FANCB: variants seen among roughly 807,000 people sequenced by gnomAD.
FANCB encodes Fanconi anemia group B protein.
FANCB carries 5 observed loss-of-function variants against 38.9 expected under a neutral mutation model. The observed-to-expected ratio is 0.13, with a 90% CI of 0.07 to 0.27. FANCB has a LOEUF of 0.27. Among genes scored for constraint, FANCB ranks in the 10% least tolerant of loss-of-function variants. FANCB has a pLI of 1.00. For missense variants in FANCB, 573 were observed against 602.7 expected (o/e 0.95, Z 0.52); for synonymous variants, 236 against 215.4 (o/e 1.10, Z -0.84).
the FANCB span, among the ~76,000 whole-genome samples, chrX:14,772,795 A>G: frequency 9.0e-6 from 1 of 111,687 alleles, no homozygotes; most frequent in East Asian, 2.8e-4. Flanking sequence ...ACCAGACCCA[A>G]GGCCCTGGTG....
chrX:14,773,603 C>T, the FANCB span, among the ~76,000 whole-genome samples: 1 of 111,803 alleles, frequency 8.9e-6, no homozygotes, highest in East Asian at 2.8e-4. Context: ...CACATCTAAA[C>T]AAAGGCATGG....
the FANCB span, among the ~76,000 whole-genome samples, chrX:14,802,976 C>T: frequency 8.9e-6 from 1 of 112,049 alleles, no homozygotes; most frequent in Non-Finnish European, 1.9e-5. Flanking sequence ...TCAATAAATT[C>T]TTTCCTTTAA....
the FANCB span, among the ~76,000 whole-genome samples, chrX:14,765,982 T>C: frequency 9.0e-6 from 1 of 111,674 alleles, no homozygotes; most frequent in African/African-American, 3.3e-5. Context: ...AGGCGACACT[T>C]AGCAACTTAC....
the FANCB span, among the ~76,000 whole-genome samples, chrX:14,788,376 C>T: frequency 9.0e-6 from 1 of 111,494 alleles, no homozygotes; most frequent in African/African-American, 3.3e-5. Flanking sequence ...ACTGCCCAGC[C>T]TGGTCATGGT....
the FANCB span, among the ~76,000 whole-genome samples, chrX:14,782,193 A>G: frequency 8.9e-6 from 1 of 111,992 alleles, no homozygotes; most frequent in Non-Finnish European, 1.9e-5. Flanking sequence ...GAAAATGAGG[A>G]GAAATATCAC....
At chrX:14,783,712 AAAC>A in the FANCB span, among the ~76,000 whole-genome samples, 1 of 112,349 alleles carries the variant, frequency 8.9e-6, no homozygotes, top group Non-Finnish European at 1.9e-5. Context: ...ATTCACAATA[AAAC>A]AACACATATT....
the FANCB span, among the ~76,000 whole-genome samples, chrX:14,696,474 C>T: frequency 2.7e-5 from 3 of 111,669 alleles, no homozygotes; most frequent in Non-Finnish European, 5.6e-5. Flanking sequence ...CAAGGCAGTC[C>T]AGGAATTGGA....
At chrX:14,692,288 T>G in the FANCB span, among the ~76,000 whole-genome samples, 1 of 112,588 alleles carries the variant, frequency 8.9e-6, no homozygotes, top group East Asian at 2.8e-4. Flanking sequence ...TTCTCCTCAC[T>G]GCCTCCCTGT....
At chrX:14,817,944 C>T in the FANCB span, among the ~76,000 whole-genome samples, 5 of 111,829 alleles carry the variant, frequency 4.5e-5, no homozygotes, top group Admixed American at 2.9e-4. Context: ...ACTGCTTTTT[C>T]CACTGCTGCA....
At position 14,865,128 on chromosome X, in the gene FANCB, T is replaced by C; in HGVS notation, c.383A>G (p.Tyr128Cys). 8.3e-7 allele frequency: 1 copy of C among 1,205,515 alleles called. No homozygotes were observed. Among genetic ancestry groups the C allele is most frequent in the Non-Finnish European group, 1.1e-6 (1 of 892,915 alleles). The change falls in exon 3 of 10, where the codon TAT becomes TGT. Residue 128 changes from tyrosine to cysteine, a missense_variant. Transcript: ENST00000650831. ...FEMRLSFKLG[Y>C]EMKDGLRVLN... ...GACCCTTAGGCCATCCTTCATCTCA[T>C]AGCCTAGTTTAAAACTCAAACGCAT...
At chrX:14,774,809 T>C in the FANCB span, among the ~76,000 whole-genome samples, 1 of 109,378 alleles carries the variant, frequency 9.1e-6, no homozygotes, top group Non-Finnish European at 1.9e-5. Flanking sequence ...GGCTCCCTTC[T>C]ATTTCCACTC....
the FANCB span, among the ~76,000 whole-genome samples, chrX:14,762,634 T>A: frequency 8.9e-6 from 1 of 112,093 alleles, no homozygotes; most frequent in Non-Finnish European, 1.9e-5. Context: ...AGCCACCGAA[T>A]CTACCAACCT....
chrX:14,692,776 G>C, the FANCB span, among the ~76,000 whole-genome samples: 1 of 111,988 alleles, frequency 8.9e-6, no homozygotes, highest in Non-Finnish European at 1.9e-5. Flanking sequence ...ATAGTTGTTA[G>C]GGAATTTTTG....
Position 14,853,133 on chromosome X carries a change from T to A in FANCB, c.1232A>T (p.His411Leu). ...AATAATTTTTTCCTTAAGCAACAGATGCTGCCGTAATTCCCGAAAAGAAGA... is the reference window on the plus strand; with the variant it reads ...AATAATTTTTTCCTTAAGCAACAGAAGCTGCCGTAATTCCCGAAAAGAAGA... ...CFSSFRELRQ[H>L]LLLKEKIISK... is the part of the protein sequence containing the mutation. The change falls in exon 6 of 10, where the codon CAT becomes CTT. Residue 411 changes from histidine (H) to leucine (L), a missense_variant. Transcript: ENST00000650831. The A allele has an allele frequency of 8.3e-7, 1 of 1,205,760 alleles. No homozygotes were observed. The highest frequency in any genetic ancestry group is 1.1e-6 in the Non-Finnish European group (1 of 890,847).
the FANCB span, among the ~76,000 whole-genome samples, chrX:14,759,321 C>A: frequency 9.9e-5 from 11 of 111,593 alleles, no homozygotes; most frequent in Non-Finnish European, 1.9e-4. Context: ...AGGAAAACTT[C>A]CCTGGTCTTG....
At chrX:14,696,456 A>T in the FANCB span, among the ~76,000 whole-genome samples, 30 of 112,048 alleles carry the variant, frequency 2.7e-4, no homozygotes, top group African/African-American at 8.8e-4. Flanking sequence ...AGAAAAAATT[A>T]TTGACAGCAA....
the FANCB span, among the ~76,000 whole-genome samples, chrX:14,811,948 A>G: frequency 4.5e-5 from 5 of 111,991 alleles, no homozygotes; most frequent in Admixed American, 2.8e-4. Context: ...AAAGAACAGA[A>G]ATTATAACAA....
intron 5 of FANCB, 58 bp from the exon 6 acceptor site, chrX:14,853,225 T>C (rs770909644): frequency 2.0e-5 from 21 of 1,031,872 alleles, no homozygotes; most frequent in Non-Finnish European, 2.8e-5. Flanking sequence ...AAACCAGACA[T>C]ACCAATAATT....
chrX:14,850,378 G>A lies in FANCB; in HGVS notation c.1496+127C>T. On this transcript the variant is annotated intron_variant, in intron 7 of 9. Transcript: ENST00000650831. ...AAAAACAGTAATAATAATTTCCCTT[G>A]CTTCTATTTACATTTTTAAATATGG... 8.8e-6 allele frequency: 5 copies of A among 566,998 alleles called. No homozygotes were observed. The East Asian group carries it at 1.7e-4, about 19-fold the overall frequency. The allele number at this position is 566,998 out of a possible 1,213,427, so 46.7% of individuals were successfully genotyped here.
Sources: allele counts gnomAD v4.1 joint callset (sites outside exome capture counted in the v4.1 genomes callset), GRCh38; gene constraint gnomAD v4.1.1; transcripts MANE v1.5; gene names NCBI Gene and HGNC (gene_info 2026-07-23, HGNC 2026-07-21).